Variants in CRB1 observed in about 807,000 individuals in gnomAD.
CRB1 encodes the protein protein crumbs homolog 1.
CRB1 carries 83 observed loss-of-function variants against 120.0 expected under a neutral mutation model. The observed-to-expected ratio is 0.69, with a 90% confidence interval of 0.58 to 0.83. The LOEUF (loss-of-function observed/expected upper bound fraction) is 0.83, where lower values mean the gene tolerates loss of function less well. Among genes scored for constraint, CRB1 ranks in the 40% least tolerant of loss-of-function variants. The pLI is 0.00. For synonymous variants in CRB1, 625 were observed against 612.5 expected (o/e 1.02, Z -0.30); for missense variants, 1,699 against 1,687.6 (o/e 1.01, Z -0.12).
At chr1:197,415,612 C>CT (rs149474385) in intron 5 of CRB1, among the ~76,000 whole-genome samples, 23 of 129,298 alleles carry the variant, frequency 1.8e-4, no homozygotes, top group East Asian at 6.6e-4. Context: ...TTTCTTTTTT[C>CT]TTTTTTTTTT....
At chr1:197,398,252 C>G (rs563680779) in intron 5 of CRB1, among the ~76,000 whole-genome samples, 15 of 152,282 alleles carry the variant, frequency 9.9e-5, no homozygotes, top group Admixed American at 9.8e-4. Flanking sequence ...TGAAAAGTTC[C>G]TCAACCCCCT....
chr1:197,427,784 C>T lies in CRB1; in HGVS notation c.2459C>T (p.Ser820Phe), dbSNP rs762823359. Residue 820 changes from serine to phenylalanine, a missense_variant, in exon 7 of 12, where the codon TCT (serine) becomes TTT (phenylalanine). Transcript: ENST00000367400. ...SSQNLGFISA[S>F]TWKIEKGDVI... Reference sequence around the variant, plus strand: ...CAAAACCTAGGATTTATTTCTGCTTCTACGTGGAAAATCGAAAAGGGAGAT... The same window carrying T: ...CAAAACCTAGGATTTATTTCTGCTTTTACGTGGAAAATCGAAAAGGGAGAT... 1.9e-6 allele frequency: 3 copies of T among 1,613,974 alleles called. No individual in the cohort carries two copies. In the East Asian group the frequency reaches 6.7e-5, roughly 36 times the overall value.
At position 197,427,761 on chromosome 1, in the gene CRB1, A is replaced by C; in HGVS notation, c.2436A>C (p.Gln812His). 1 of 1,614,030 alleles carries C rather than the reference A, an allele frequency of 6.2e-7. No individual in the cohort carries two copies. Among genetic ancestry groups the C allele is most frequent in the South Asian group, 1.1e-5 (1 of 91,084 alleles). The change falls in exon 7 of 12, where the codon CAA becomes CAC. Residue 812 changes from glutamine (Q) to histidine (H), a missense_variant. Physicochemically the swap from Gln to His is conservative, Grantham distance 24. Transcript: ENST00000367400. ...AAATTGAACTGTATCAGTCTTCACA[A>C]AACCTAGGATTTATTTCTGCTTCTA... ...PYKIELYQSS[Q>H]NLGFISASTW... is the part of the protein sequence containing the mutation.
chr1:197,364,083 C>T (rs1176555237), intron 5 of CRB1: 10 of 1,239,894 alleles, frequency 8.1e-6, no homozygotes, highest in African/African-American at 7.4e-5. Flanking sequence ...GCTGCTGAGG[C>T]GGGCAGATCC....
chr1:197,304,988 T>C lies in CRB1; in HGVS notation c.71-23434T>C, dbSNP rs672769. Among the ~76,000 whole-genome samples, 972 of 152,312 alleles carry C rather than the reference T, an allele frequency of 6.4e-3. 9 individuals are homozygous for C. The highest frequency in any genetic ancestry group is 0.022 in the African/African-American group (905 of 41,558). ...GCCTGAGAGTTCTGTAGTGTTCTGTTAGTCATTACTGGAAGGCCCTGCAGA... is the reference window on the plus strand; with the variant it reads ...GCCTGAGAGTTCTGTAGTGTTCTGTCAGTCATTACTGGAAGGCCCTGCAGA... On this transcript the variant is annotated intron_variant, in intron 1 of 11. Transcript: ENST00000367400.
At position 197,289,690 on chromosome 1, in the gene CRB1, C is replaced by T. The variant is rs759031776; in HGVS notation, c.70+21208C>T. 3.3e-4 allele frequency among the ~76,000 whole-genome samples: 50 copies of T among 151,728 alleles called. 1 individual carries two copies. The highest frequency in any genetic ancestry group is 8.8e-5 in the Non-Finnish European group (6 of 67,860). On this transcript the variant is annotated intron_variant, in intron 1 of 11. Coordinates refer to ENST00000367400, the MANE Select transcript of CRB1 (RefSeq NM_201253.3). ...CATTGTTGTCTATTAATCTTACTAACATATTTTCCTTTCATCTATTTCTTT... is the reference window on the plus strand; with the variant it reads ...CATTGTTGTCTATTAATCTTACTAATATATTTTCCTTTCATCTATTTCTTT...
intron 5 of CRB1, among the ~76,000 whole-genome samples, chr1:197,362,831 T>A (rs547380639): frequency 6.6e-6 from 1 of 152,206 alleles, no homozygotes; most frequent in Non-Finnish European, 1.5e-5. Flanking sequence ...TTTTAATTCA[T>A]CTTGCCAATT....
intron 11 of CRB1, among the ~76,000 whole-genome samples, chr1:197,452,254 G>A (rs895869350): frequency 2.0e-5 from 3 of 152,190 alleles, no homozygotes; most frequent in African/African-American, 7.2e-5. Flanking sequence ...GATTGTGAAT[G>A]AGAGTCTCAG....
chr1:197,268,524 T>G (rs1053239394), intron 1 of CRB1, 42 bp downstream of exon 1: 10 of 1,344,352 alleles, frequency 7.4e-6, no homozygotes, highest in Non-Finnish European at 1.1e-5. Context: ...GGTTTATTTC[T>G]GGCTTATTAT....
chr1:197,362,690 GC>G (rs1191371329), intron 5 of CRB1, among the ~76,000 whole-genome samples: 1 of 151,690 alleles, frequency 6.6e-6, no homozygotes, highest in African/African-American at 2.4e-5. Flanking sequence ...AGCCATTCCT[GC>G]CTTTAAAAAA....
chr1:197,211,908 G>C, the CRB1 span, among the ~76,000 whole-genome samples: 1 of 151,534 alleles, frequency 6.6e-6, no homozygotes, highest in South Asian at 2.1e-4. Flanking sequence ...CTTACATCTA[G>C]AATATAAAAA....
chr1:197,354,386 T>C (rs1039795883), intron 4 of CRB1, among the ~76,000 whole-genome samples: 2 of 152,200 alleles, frequency 1.3e-5, no homozygotes, highest in African/African-American at 2.4e-5. Context: ...TCTTCAAGAA[T>C]GAAGCCACAG....
At chr1:197,461,021 T>C (rs1223799179) in intron 11 of CRB1, among the ~76,000 whole-genome samples, 4 of 152,162 alleles carry the variant, frequency 2.6e-5, no homozygotes, top group African/African-American at 9.7e-5. Flanking sequence ...CATTAGGTCC[T>C]GTGAACACTA....
chr1:197,369,938 A>G (rs945456117), intron 5 of CRB1, among the ~76,000 whole-genome samples: 1 of 152,060 alleles, frequency 6.6e-6, no homozygotes, highest in Non-Finnish European at 1.5e-5. Flanking sequence ...TCTTCTTCCA[A>G]ATCTCATGTT....
the CRB1 span, among the ~76,000 whole-genome samples, chr1:197,237,697 G>A: frequency 6.6e-6 from 1 of 152,166 alleles, no homozygotes; most frequent in Non-Finnish European, 1.5e-5. Context: ...GGGATCAGTA[G>A]TGATGACTTG....
intron 5 of CRB1, among the ~76,000 whole-genome samples, chr1:197,388,147 A>C (rs1172892545): frequency 2.0e-5 from 3 of 152,066 alleles, no homozygotes; most frequent in Non-Finnish European, 4.4e-5. Context: ...CTACTACTCG[A>C]TATTATATAT....
chr1:197,288,517 A>C (rs1338307552), intron 1 of CRB1, among the ~76,000 whole-genome samples: 2 of 151,894 alleles, frequency 1.3e-5, no homozygotes, highest in Admixed American at 6.6e-5. Flanking sequence ...GGAGAAAAAT[A>C]AATCAATCAA....
At chr1:197,299,178 A>C (rs1198033143) in intron 1 of CRB1, among the ~76,000 whole-genome samples, 2 of 152,164 alleles carry the variant, frequency 1.3e-5, no homozygotes, top group Admixed American at 1.3e-4. Flanking sequence ...ACCAATTAAT[A>C]AAATGGAAAT....
chr1:197,429,786 T>A (rs536864281), intron 8 of CRB1, among the ~76,000 whole-genome samples, 172 bp downstream of exon 8: 1 of 152,194 alleles, frequency 6.6e-6, no homozygotes, highest in Non-Finnish European at 1.5e-5. Context: ...CATCCTGCCC[T>A]TGGTGGCTGT....
Sources: allele counts gnomAD v4.1 joint callset (sites outside exome capture counted in the v4.1 genomes callset), GRCh38; gene constraint gnomAD v4.1.1; transcripts MANE v1.5; gene names NCBI Gene and HGNC (gene_info 2026-07-23, HGNC 2026-07-21).